Variants in SPOCK1 observed in about 807,000 individuals in gnomAD.
The protein encoded by SPOCK1 is testican-1.
In SPOCK1, 23 loss-of-function variants were observed where a neutral mutation model predicts 55.3. The ratio of observed to expected loss-of-function variants is 0.42; its 90% CI spans 0.30 to 0.59. SPOCK1 has a LOEUF of 0.59. Among genes scored for constraint, SPOCK1 ranks in the 20% least tolerant of loss-of-function variants. The probability of loss-of-function intolerance (pLI) is 0.22; values close to 1 mark genes in which losing one functional copy is unlikely to be tolerated. For missense variants in SPOCK1, 499 were observed against 552.5 expected (o/e 0.90, Z 0.97); for synonymous variants, 226 against 221.0 (o/e 1.02, Z -0.20).
chr5:137,151,574 C>T (rs1325536317), intron 3 of SPOCK1, among the ~76,000 whole-genome samples: 1 of 152,178 alleles, frequency 6.6e-6, no homozygotes, highest in African/African-American at 2.4e-5. Context: ...AGTAAATGTA[C>T]ACACAAAGAA....
chr5:137,417,953 C>G lies in SPOCK1; in HGVS notation c.186+80420G>C, dbSNP rs142189722. Reference sequence around the variant, plus strand: ...ATATCTCCTAATGCTATTCCTCCCCCCTCCCGCTACCCTACAACAGGCCCT... The same window carrying G: ...ATATCTCCTAATGCTATTCCTCCCCGCTCCCGCTACCCTACAACAGGCCCT... On this transcript the variant is annotated intron_variant, in intron 2 of 10. Transcript: ENST00000394945. 4.5e-3 allele frequency among the ~76,000 whole-genome samples: 678 copies of G among 152,228 alleles called. 30 individuals carry two copies. In the East Asian group the frequency reaches 0.1, roughly 22 times the overall value.
chr5:137,138,557 C>G (rs1754034383), intron 4 of SPOCK1, among the ~76,000 whole-genome samples: 1 of 151,496 alleles, frequency 6.6e-6, no homozygotes, highest in Admixed American at 6.6e-5. Flanking sequence ...CAACCTAGAG[C>G]ACCATCCCAA....
chr5:137,032,857 T>C (rs1751807942), intron 6 of SPOCK1, among the ~76,000 whole-genome samples: 2 of 152,010 alleles, frequency 1.3e-5, no homozygotes, highest in South Asian at 4.2e-4. Context: ...ACTTGAAGGC[T>C]GAGGATGGAA....
At chr5:137,206,630 T>A (rs1315163788) in intron 3 of SPOCK1, among the ~76,000 whole-genome samples, 3 of 152,232 alleles carry the variant, frequency 2.0e-5, no homozygotes, top group Non-Finnish European at 4.4e-5. Flanking sequence ...CTGTGAGGTA[T>A]CAGTAGATGT....
chr5:137,159,995 A>G (rs190541089), intron 3 of SPOCK1, among the ~76,000 whole-genome samples: 111 of 152,156 alleles, frequency 7.3e-4, no homozygotes, highest in African/African-American at 2.6e-3. Flanking sequence ...TTATTGAGGG[A>G]CTGGTGGTGT....
intron 2 of SPOCK1, among the ~76,000 whole-genome samples, chr5:137,448,986 G>A (rs1005089351): frequency 1.3e-5 from 2 of 152,196 alleles, no homozygotes; most frequent in Non-Finnish European, 2.9e-5. Flanking sequence ...AAGTGAGACA[G>A]CACTCTTCGT....
chr5:137,437,037 G>T (rs1752880375), intron 2 of SPOCK1, among the ~76,000 whole-genome samples: 1 of 152,154 alleles, frequency 6.6e-6, no homozygotes, highest in Non-Finnish European at 1.5e-5. Context: ...AACTGGGTGG[G>T]CTACACTGTG....
At chr5:137,461,057 G>A (rs1330501332) in intron 2 of SPOCK1, among the ~76,000 whole-genome samples, 1 of 152,204 alleles carries the variant, frequency 6.6e-6, no homozygotes, top group African/African-American at 2.4e-5. Context: ...TATGTACGTG[G>A]TTGGTTTGTT....
intron 3 of SPOCK1, among the ~76,000 whole-genome samples, chr5:137,208,982 T>C (rs1296479678): frequency 1.3e-5 from 2 of 152,070 alleles, no homozygotes; most frequent in Non-Finnish European, 2.9e-5. Context: ...TCATTCCTTC[T>C]TGATGAAACA....
At chr5:137,482,583 G>A (rs113382396) in intron 2 of SPOCK1, among the ~76,000 whole-genome samples, 11 of 152,202 alleles carry the variant, frequency 7.2e-5, no homozygotes, top group African/African-American at 2.4e-4. Context: ...CCGACCAAAC[G>A]GGAACCAGGG....
At chr5:137,042,588 C>G (rs1239074829) in intron 6 of SPOCK1, among the ~76,000 whole-genome samples, 1 of 152,012 alleles carries the variant, frequency 6.6e-6, no homozygotes, top group Non-Finnish European at 1.5e-5. Flanking sequence ...AAGCAAACAG[C>G]CTATACATAA....
chr5:137,392,277 A>G (rs1189690161), intron 2 of SPOCK1, among the ~76,000 whole-genome samples: 3 of 152,082 alleles, frequency 2.0e-5, no homozygotes, highest in African/African-American at 7.2e-5. Flanking sequence ...CCCACAGTCC[A>G]TAGACATCCA....
At chr5:137,046,475 T>G (rs1752108010) in intron 6 of SPOCK1, among the ~76,000 whole-genome samples, 1 of 152,018 alleles carries the variant, frequency 6.6e-6, no homozygotes, top group South Asian at 2.1e-4. Flanking sequence ...TTGTGATTTT[T>G]GTACATTGGT....
At chr5:137,256,644 G>A (rs942900015) in intron 3 of SPOCK1, among the ~76,000 whole-genome samples, 2 of 152,074 alleles carry the variant, frequency 1.3e-5, no homozygotes, top group Non-Finnish European at 2.9e-5. Flanking sequence ...ACATGCTTGT[G>A]GGGGGAACAC....
intron 2 of SPOCK1, among the ~76,000 whole-genome samples, chr5:137,276,735 C>A (rs1014041342): frequency 3.9e-5 from 6 of 152,130 alleles, no homozygotes; most frequent in Admixed American, 3.3e-4. Flanking sequence ...CTAACTGGGG[C>A]AGTAACAGGA....
At chr5:137,487,524 C>A (rs1038646130) in intron 2 of SPOCK1, among the ~76,000 whole-genome samples, 4 of 152,132 alleles carry the variant, frequency 2.6e-5, no homozygotes, top group African/African-American at 9.7e-5. Context: ...CTTGTTTGTT[C>A]CATACCCTTA....
intron 3 of SPOCK1, among the ~76,000 whole-genome samples, chr5:137,225,023 G>A (rs1399615925): frequency 6.6e-6 from 1 of 152,062 alleles, no homozygotes; most frequent in Non-Finnish European, 1.5e-5. Context: ...ATTAAGTACC[G>A]TTCTCCCCAA....
At chr5:137,453,990 T>G (rs911883525) in intron 2 of SPOCK1, among the ~76,000 whole-genome samples, 1 of 152,026 alleles carries the variant, frequency 6.6e-6, no homozygotes, top group African/African-American at 2.4e-5. Context: ...AGGACAAACA[T>G]TATGATGTAC....
intron 4 of SPOCK1, among the ~76,000 whole-genome samples, chr5:137,120,974 G>C (rs1057208506): frequency 4.6e-5 from 7 of 152,194 alleles, no homozygotes; most frequent in Non-Finnish European, 2.9e-5. Flanking sequence ...GAAGAGGTGA[G>C]ATCAATCCTA....
Sources: gnomAD v4.1 joint callset for allele counts (sites outside exome capture counted in the v4.1 genomes callset) on GRCh38, gnomAD v4.1.1 for gene constraint, MANE v1.5 for transcripts, NCBI Gene and HGNC (gene_info 2026-07-23, HGNC 2026-07-21) for gene names.